The following NTN4 variants were observed in gnomAD, a reference collection of about 807,000 sequenced individuals.
NTN4 encodes netrin 4.
NTN4 carries 32 observed loss-of-function variants against 73.6 expected under a neutral mutation model. The ratio of observed to expected loss-of-function variants is 0.44; its 90% CI spans 0.33 to 0.58. The LOEUF is 0.58. Among genes scored for constraint, NTN4 ranks in the 20% least tolerant of loss-of-function variants. The pLI is 0.04. For missense variants in NTN4, 654 were observed against 798.3 expected, an observed-to-expected ratio of 0.82 and a Z score of 2.18; for synonymous variants, 258 against 287.5, an observed-to-expected ratio of 0.90 and a Z score of 1.04.
intron 2 of NTN4, among the ~76,000 whole-genome samples, chr12:95,750,351 C>T (rs948433369): frequency 3.9e-5 from 6 of 152,062 alleles, no homozygotes; most frequent in African/African-American, 1.4e-4. Context: ...TATGGGCAAC[C>T]TTCCACCCTC....
intron 2 of NTN4, among the ~76,000 whole-genome samples, chr12:95,777,194 C>A (rs2079100063): frequency 6.6e-6 from 1 of 152,140 alleles, no homozygotes; most frequent in Non-Finnish European, 1.5e-5. Context: ...CCAGTACCAG[C>A]CACTGCAAAA....
At chr12:95,667,259 G>C (rs1420930701) in intron 8 of NTN4, among the ~76,000 whole-genome samples, 1 of 149,136 alleles carries the variant, frequency 6.7e-6, no homozygotes, top group African/African-American at 2.5e-5. Flanking sequence ...GTGCGATCTT[G>C]GCTCACTGCA....
chr12:95,717,345 C>T (rs547583754), intron 3 of NTN4, among the ~76,000 whole-genome samples: 1 of 152,258 alleles, frequency 6.6e-6, no homozygotes, highest in East Asian at 1.9e-4. Context: ...CAAACATTCA[C>T]ATGTATCACA....
At chr12:95,767,690 C>T (rs1422030218) in intron 2 of NTN4, among the ~76,000 whole-genome samples, 1 of 152,160 alleles carries the variant, frequency 6.6e-6, no homozygotes, top group Non-Finnish European at 1.5e-5. Flanking sequence ...GCACCCTTCC[C>T]AATCATTTCC....
chr12:95,720,145 T>C (rs2078635761), intron 3 of NTN4, among the ~76,000 whole-genome samples: 1 of 152,186 alleles, frequency 6.6e-6, no homozygotes. Flanking sequence ...AAGACCTCCT[T>C]ACAAAAATGC....
intron 5 of NTN4, among the ~76,000 whole-genome samples, chr12:95,706,512 A>G (rs955778289): frequency 2.0e-5 from 3 of 152,224 alleles, no homozygotes; most frequent in Non-Finnish European, 4.4e-5. Context: ...AATGCTTTGA[A>G]ATTAATCTGA....
chr12:95,734,129 TC>T lies in NTN4; in HGVS notation c.864+3736del, dbSNP rs370889539. ...GTAAATGAGGCTCCTAGTTTGAATC[TC>T]TTTTCCTATTCTTTTCGATAGTTTA... On this transcript the variant is annotated intron_variant, in intron 3 of 9. Coordinates refer to ENST00000343702, the MANE Select transcript of NTN4 (RefSeq NM_021229.4). Among the ~76,000 whole-genome samples the T allele has an allele frequency of 2.8e-4, 42 of 151,616 alleles. No homozygotes were observed. The East Asian group carries it at 4.5e-3, about 16-fold the overall frequency.
chr12:95,672,595 T>C lies in NTN4; in HGVS notation c.1511-2449A>G, dbSNP rs978997122. 3.3e-6 allele frequency: 5 copies of C among 1,526,870 alleles called. No individual in the cohort carries two copies. The African/African-American group carries it at 5.5e-5, about 17-fold the overall frequency. The allele number at this position is 1,526,870 out of a possible 1,614,324, so 94.6% of individuals were successfully genotyped here. A position where few individuals can be genotyped will look rare whatever the true frequency, so the allele number is the denominator to read the frequency against. ...AGCGGCACTATGGGGGTCTGACCGA[T>C]CTCGGTAAAGCAGAAACTGCTGCAA... On this transcript the variant is annotated intron_variant, in intron 7 of 9. Coordinates refer to ENST00000343702, the MANE Select transcript of NTN4 (RefSeq NM_021229.4).
intron 7 of NTN4, chr12:95,674,050 G>A (rs1565879629): frequency 6.6e-6 from 1 of 152,232 alleles, no homozygotes; most frequent in African/African-American, 2.4e-5. Flanking sequence ...CCGTGGAGGG[G>A]AGCATTGGTG....
intron 5 of NTN4, among the ~76,000 whole-genome samples, chr12:95,685,852 T>C (rs901749780): frequency 6.6e-6 from 1 of 152,202 alleles, no homozygotes; most frequent in Admixed American, 6.5e-5. Flanking sequence ...ACATGATTAA[T>C]AGTAAATTAA....
At chr12:95,768,036 G>T (rs10777727) in intron 2 of NTN4, among the ~76,000 whole-genome samples, 49,364 of 151,952 alleles carry the variant, frequency 0.32, 8,483 homozygotes, top group East Asian at 0.53. Flanking sequence ...AAAAGTGCTT[G>T]AAACCATACG....
intron 2 of NTN4, among the ~76,000 whole-genome samples, chr12:95,751,001 C>G (rs1473632221): frequency 3.3e-5 from 5 of 152,158 alleles, no homozygotes; most frequent in Non-Finnish European, 7.3e-5. Context: ...CATTTAGGCT[C>G]TTTTTCATCA....
chr12:95,691,844 T>C (rs1459666402), intron 5 of NTN4, among the ~76,000 whole-genome samples: 1 of 152,150 alleles, frequency 6.6e-6, no homozygotes, highest in Admixed American at 6.5e-5. Context: ...ACCAGGTATA[T>C]TTAGAAGCTG....
intron 3 of NTN4, among the ~76,000 whole-genome samples, chr12:95,734,069 CAAAAAAAAA>C (rs34550049): frequency 1.1e-5 from 1 of 94,242 alleles, no homozygotes; most frequent in Non-Finnish European, 2.4e-5. Context: ...GACTCCATTT[CAAAAAAAAA>C]AAAAAAAAAA....
chr12:95,697,103 A>G (rs930959851), intron 5 of NTN4, among the ~76,000 whole-genome samples: 8 of 151,784 alleles, frequency 5.3e-5, no homozygotes, highest in African/African-American at 1.9e-4. Flanking sequence ...TAAACCCAAG[A>G]GGTCAAGGCT....
rs1174318245 is a variant in NTN4 at position 95,741,427 on chromosome 12, T to TTATATATA, written c.586-3291_586-3284dup. 1.1e-3 allele frequency among the ~76,000 whole-genome samples: 54 copies of TTATATATA among 51,022 alleles called. 1 individual carries two copies. Among genetic ancestry groups the TTATATATA allele is most frequent in the South Asian group, 2.5e-3 (3 of 1,196 alleles). The allele number at this position is 51,022 out of a possible 152,430, so 33.5% of individuals were successfully genotyped here. A position where few individuals can be genotyped will look rare whatever the true frequency, so the allele number is the denominator to read the frequency against. ...ACCTATAATGTAAATTATGTATAAA[T>TTATATATA]TATATATATATATATATATATATAT... On this transcript the variant is annotated intron_variant, in intron 2 of 9. Coordinates refer to ENST00000343702, the MANE Select transcript of NTN4 (RefSeq NM_021229.4).
At chr12:95,691,787 GC>G (rs1227825765) in intron 5 of NTN4, among the ~76,000 whole-genome samples, 2 of 152,036 alleles carry the variant, frequency 1.3e-5, no homozygotes, top group Non-Finnish European at 2.9e-5. Context: ...AGTGTTCACA[GC>G]TGTGGTGAAC....
chr12:95,778,384 GA>G (rs1448770939), intron 2 of NTN4, among the ~76,000 whole-genome samples: 1 of 151,876 alleles, frequency 6.6e-6, no homozygotes, highest in Admixed American at 6.6e-5. Context: ...CTGGTTTTTT[GA>G]AAAGATCAAC....
intron 7 of NTN4, among the ~76,000 whole-genome samples, chr12:95,674,928 C>G (rs2078261579): frequency 1.3e-5 from 2 of 152,190 alleles, no homozygotes; most frequent in Non-Finnish European, 2.9e-5. Context: ...TGCCAACTCT[C>G]TAATAACATG....
Sources: allele counts gnomAD v4.1 joint callset (sites outside exome capture counted in the v4.1 genomes callset), GRCh38; gene constraint gnomAD v4.1.1; transcripts MANE v1.5; gene names NCBI Gene and HGNC (gene_info 2026-07-23, HGNC 2026-07-21).